Variants in CDC20B observed in about 807,000 individuals in gnomAD.
CDC20B encodes the protein cell division cycle protein 20 homolog B.
Under a neutral mutation model 64.1 loss-of-function variants are expected in CDC20B, and 58 were observed. The ratio of observed to expected loss-of-function variants is 0.90; its 90% CI spans 0.73 to 1.13. CDC20B has a LOEUF of 1.13. CDC20B is among the 50% of genes most tolerant of loss of function. CDC20B has a pLI of 0.00. For missense variants in CDC20B, 597 were observed against 633.0 expected (o/e 0.94, Z 0.61); for synonymous variants, 243 against 230.6 (o/e 1.05, Z -0.49).
intron 5 of CDC20B, among the ~76,000 whole-genome samples, chr5:55,139,005 T>C (rs890867094): frequency 1.3e-5 from 2 of 150,760 alleles, no homozygotes; most frequent in Admixed American, 6.6e-5. Flanking sequence ...CTATAGGATA[T>C]GGATCTCCAA....
At chr5:55,139,165 A>T (rs1020566077) in intron 5 of CDC20B, among the ~76,000 whole-genome samples, 1 of 152,174 alleles carries the variant, frequency 6.6e-6, no homozygotes, top group Non-Finnish European at 1.5e-5. Flanking sequence ...AGTCAAATTA[A>T]CACATGACTT....
intron 5 of CDC20B, among the ~76,000 whole-genome samples, chr5:55,138,205 G>A (rs1743237588): frequency 6.7e-6 from 1 of 148,594 alleles, no homozygotes; most frequent in Admixed American, 6.7e-5. Context: ...CTGTCGCCCA[G>A]GCTGGAGTGC....
In CDC20B at chr5:55,113,265, A is replaced by C. The variant is rs1742548358; in HGVS notation, c.*953T>G. On this transcript the variant is annotated 3_prime_UTR_variant, in exon 12 of 12. Transcript: ENST00000381375. ...ACAGCGAACTGATCAAGTTTGAAGG[A>C]ACCTTAGCAGTGATCAAATTCCTAT... 1.3e-5 allele frequency: 2 copies of C among 152,268 alleles called. No homozygotes were observed. The highest frequency in any genetic ancestry group is 4.8e-5 in the African/African-American group (2 of 41,460). 9.4% of individuals were successfully genotyped at this position (152,268 alleles called of 1,614,324 possible).
intron 5 of CDC20B, chr5:55,137,734 C>T: frequency 2.2e-6 from 1 of 453,128 alleles, no homozygotes; most frequent in Non-Finnish European, 4.4e-6. Flanking sequence ...CTAAGTACAG[C>T]AAATGACTTT....
At chr5:55,125,481 G>C (rs1368893985) in intron 8 of CDC20B, among the ~76,000 whole-genome samples, 1 of 152,160 alleles carries the variant, frequency 6.6e-6, no homozygotes, top group Non-Finnish European at 1.5e-5. Flanking sequence ...ATATCTAACA[G>C]GTAGAGTCCT....
chr5:55,141,465 C>T (rs1042960713), intron 4 of CDC20B, among the ~76,000 whole-genome samples: 3 of 152,148 alleles, frequency 2.0e-5, no homozygotes, highest in African/African-American at 4.8e-5. Flanking sequence ...ATGGCCTTCC[C>T]GGTGTTATAA....
At chr5:55,149,402 A>G (rs1310665539) in intron 2 of CDC20B, among the ~76,000 whole-genome samples, 1 of 152,232 alleles carries the variant, frequency 6.6e-6, no homozygotes, top group Non-Finnish European at 1.5e-5. Flanking sequence ...TCATGTGCAC[A>G]TATGTTCATA....
chr5:55,162,194 G>C (rs891670310), intron 2 of CDC20B, among the ~76,000 whole-genome samples: 1 of 151,406 alleles, frequency 6.6e-6, no homozygotes, highest in Admixed American at 6.6e-5. Flanking sequence ...TCAGGAGTTA[G>C]AGACTAGCCT....
At chr5:55,156,266 G>C (rs534067453) in intron 2 of CDC20B, among the ~76,000 whole-genome samples, 10 of 152,024 alleles carry the variant, frequency 6.6e-5, no homozygotes, top group African/African-American at 2.2e-4. Flanking sequence ...TCATATGTGG[G>C]GATTATTACA....
At chr5:55,140,280 C>A in intron 5 of CDC20B, 34 bp downstream of exon 5, 1 of 1,286,872 alleles carries the variant, frequency 7.8e-7, no homozygotes, top group Non-Finnish European at 1.1e-6. Flanking sequence ...GAGAGAGGAG[C>A]GCAGGAAAGA....
chr5:55,156,774 T>C (rs1421543764), intron 2 of CDC20B, among the ~76,000 whole-genome samples: 1 of 152,156 alleles, frequency 6.6e-6, no homozygotes, highest in South Asian at 2.1e-4. Context: ...CTCGGGAGGC[T>C]GAGGCCGGAG....
intron 9 of CDC20B, among the ~76,000 whole-genome samples, chr5:55,122,851 T>C (rs1487025464): frequency 6.6e-6 from 1 of 152,158 alleles, no homozygotes; most frequent in Non-Finnish European, 1.5e-5. Flanking sequence ...CCCACACTTT[T>C]AGCTTCCGAT....
At chr5:55,140,635 A>C (rs1743304319) in intron 4 of CDC20B, among the ~76,000 whole-genome samples, 1 of 152,022 alleles carries the variant, frequency 6.6e-6, no homozygotes, top group Admixed American at 6.6e-5. Context: ...GAGTTCAACA[A>C]CTCCATAGAG....
intron 2 of CDC20B, chr5:55,166,042 C>G (rs989699531): frequency 6.6e-6 from 1 of 152,244 alleles, no homozygotes; most frequent in Non-Finnish European, 1.5e-5. Context: ...AACTTATGCT[C>G]AGGTGGCCCC....
Position 55,127,243 on chromosome 5 carries a change from A to G in CDC20B, c.989+14T>C, listed in dbSNP as rs1184940830. ...TAATACAAACATAACTGTCTCCAAC[A>G]AGACGCTTCTTACCTGCTGAGGATA... On this transcript the variant is annotated intron_variant, in intron 8 of 11. Transcript: ENST00000381375. 1 of 1,606,922 alleles carries G rather than the reference A, an allele frequency of 6.2e-7. No homozygotes were observed. The highest frequency in any genetic ancestry group is 1.1e-5 in the South Asian group (1 of 90,888).
chr5:55,140,827 C>T (rs1743309119), intron 4 of CDC20B, among the ~76,000 whole-genome samples: 2 of 152,128 alleles, frequency 1.3e-5, no homozygotes, highest in Admixed American at 1.3e-4. Flanking sequence ...ATTCCATGTG[C>T]ACAAAAATCT....
rs907385770 is a variant in CDC20B, at chr5:55,128,549, A to G, written c.766T>C (p.Trp256Arg). 6.2e-7 allele frequency: 1 copy of G among 1,610,408 alleles called. No homozygotes were observed. The highest frequency in any genetic ancestry group is 8.5e-7 in the Non-Finnish European group (1 of 1,179,244). Residue 256 changes from tryptophan (W) to arginine (R), a missense_variant, in exon 7 of 12, where the codon TGG (tryptophan) becomes CGG (arginine). Physicochemically the swap from Trp to Arg is moderately radical, Grantham distance 101. Coordinates refer to ENST00000381375, the MANE Select transcript of CDC20B (RefSeq NM_001170402.1). Reference sequence around the variant, plus strand: ...ATCCCATTGTGGTTCTCCCCATTCCAGATGTATACAGCAGAGCCCAGGGCT... The same window carrying G: ...ATCCCATTGTGGTTCTCCCCATTCCGGATGTATACAGCAGAGCCCAGGGCT... ...AIALGSAVYI[W>R]NGENHNGIEN...
chr5:55,152,087 GGAGT>G, intron 2 of CDC20B, among the ~76,000 whole-genome samples: 1 of 152,334 alleles, frequency 6.6e-6, no homozygotes, highest in South Asian at 2.1e-4. Context: ...GGCAGTGACC[GGAGT>G]GATAGGGCCA....
chr5:55,166,079 T>C (rs915501536), intron 2 of CDC20B: 3 of 152,236 alleles, frequency 2.0e-5, no homozygotes, highest in African/African-American at 4.8e-5. Context: ...AGAGCACTCT[T>C]GCCTTGTATC....
Sources: allele counts gnomAD v4.1 joint callset (sites outside exome capture counted in the v4.1 genomes callset), GRCh38; gene constraint gnomAD v4.1.1; transcripts MANE v1.5; gene names NCBI Gene and HGNC (gene_info 2026-07-23, HGNC 2026-07-21).